Variants in SEMA4D observed in about 807,000 individuals in gnomAD.
The protein encoded by SEMA4D is semaphorin-4D.
SEMA4D carries 22 observed loss-of-function variants against 74.8 expected under a neutral mutation model. The ratio of observed to expected loss-of-function variants is 0.29; its 90% CI spans 0.21 to 0.42. SEMA4D has a LOEUF of 0.42. Among genes scored for constraint, SEMA4D ranks in the 10% least tolerant of loss-of-function variants. The pLI is 1.00. For synonymous variants in SEMA4D, 445 were observed against 463.7 expected, an observed-to-expected ratio of 0.96 and a Z score of 0.52; for missense variants, 937 against 1,118.4, an observed-to-expected ratio of 0.84 and a Z score of 2.31.
At chr9:89,395,941 G>A (rs992498766) in intron 6 of SEMA4D, among the ~76,000 whole-genome samples, 5 of 152,184 alleles carry the variant, frequency 3.3e-5, no homozygotes, top group African/African-American at 1.2e-4. Flanking sequence ...GGGATACACA[G>A]TAGAAAATGT....
At chr9:89,443,308 T>G (rs1443177909) in intron 2 of SEMA4D, among the ~76,000 whole-genome samples, 1 of 152,192 alleles carries the variant, frequency 6.6e-6, no homozygotes, top group Non-Finnish European at 1.5e-5. Context: ...AAGCCATATG[T>G]GGGCTGAACA....
intron 1 of SEMA4D, among the ~76,000 whole-genome samples, chr9:89,460,449 T>TA (rs1564870293): frequency 2.0e-5 from 3 of 152,258 alleles, no homozygotes; most frequent in Admixed American, 2.0e-4. Flanking sequence ...AAGCCTCTTC[T>TA]TACTAAGTCT....
intron 2 of SEMA4D, among the ~76,000 whole-genome samples, chr9:89,410,622 G>C (rs973242966): frequency 5.9e-5 from 9 of 152,178 alleles, no homozygotes; most frequent in Non-Finnish European, 1.0e-4. Context: ...AGTCCCACAT[G>C]AACTGGCAGG....
At chr9:89,454,857 G>A (rs1021544486) in intron 2 of SEMA4D, among the ~76,000 whole-genome samples, 3 of 152,246 alleles carry the variant, frequency 2.0e-5, no homozygotes, top group Non-Finnish European at 4.4e-5. Flanking sequence ...GTGGGGCCCT[G>A]GCACAGGACT....
rs192740047 is a variant in SEMA4D, at chr9:89,363,145, C to T, written c.2190+285G>A. ...CAGAGAATGGGGTGGTCGTGGGGGC[C>T]CATCTAACTAGACAGCCCCACCTGT... is the stretch of plus-strand genomic sequence containing the variant. On this transcript the variant is annotated intron_variant, in intron 18 of 18. Coordinates refer to the SEMA4D transcript ENST00000339861. 2.6e-4 allele frequency among the ~76,000 whole-genome samples: 39 copies of T among 152,296 alleles called. No homozygotes were observed. The East Asian group carries it at 6.0e-3, about 23-fold the overall frequency.
intron 5 of SEMA4D, among the ~76,000 whole-genome samples, chr9:89,397,341 C>G (rs887100993): frequency 2.0e-5 from 3 of 152,182 alleles, no homozygotes; most frequent in Admixed American, 2.0e-4. Context: ...GTCCACCCTA[C>G]AGAATTTCCT....
At chr9:89,405,994 G>A (rs1447198850) in intron 2 of SEMA4D, 23 of 1,046,140 alleles carry the variant, frequency 2.2e-5, no homozygotes, top group Non-Finnish European at 2.5e-5. Flanking sequence ...ACACATGGCC[G>A]GCTGGCTGCC....
chr9:89,448,028 C>T (rs999174376), intron 2 of SEMA4D, among the ~76,000 whole-genome samples: 9 of 152,138 alleles, frequency 5.9e-5, no homozygotes, highest in African/African-American at 2.2e-4. Context: ...TGCTCTGTCA[C>T]CCACGCTGGG....
chr9:89,423,275 T>A (rs1206175347), intron 2 of SEMA4D, among the ~76,000 whole-genome samples: 1 of 151,666 alleles, frequency 6.6e-6, no homozygotes, highest in Non-Finnish European at 1.5e-5. Flanking sequence ...CACTGCAATC[T>A]CCACCTTCCG....
At position 89,482,278 on chromosome 9, in the gene SEMA4D, C is replaced by G. The variant is rs192430700; in HGVS notation, c.-310+15641G>C. On this transcript the variant is annotated intron_variant, in intron 1 of 15. Coordinates refer to ENST00000422704, the MANE Select transcript of SEMA4D (RefSeq NM_001371194.2). ...CCAAGCAGGCCACACCTGGATCACT[C>G]TGACGACCACGAGGCCAGAGTCTCA... Among the ~76,000 whole-genome samples, 480 of 152,348 alleles carry G rather than the reference C, an allele frequency of 3.2e-3. 16 individuals are homozygous for G. The highest frequency in any genetic ancestry group is 0.03 in the Admixed American group (454 of 15,304).
At chr9:89,470,749 C>G (rs1416846817) in intron 1 of SEMA4D, among the ~76,000 whole-genome samples, 1 of 152,146 alleles carries the variant, frequency 6.6e-6, no homozygotes, top group African/African-American at 2.4e-5. Context: ...CCTGCAACAG[C>G]TGGAATGAGC....
chr9:89,454,863 G>A (rs970020810), intron 2 of SEMA4D, among the ~76,000 whole-genome samples: 2 of 152,254 alleles, frequency 1.3e-5, no homozygotes, highest in Admixed American at 1.3e-4. Context: ...CCCTGGCACA[G>A]GACTCTGCCC....
At position 89,391,392 on chromosome 9, in the gene SEMA4D, C is replaced by T. The variant is rs761133169; in HGVS notation, c.646G>A (p.Val216Met). The T allele has an allele frequency of 1.7e-5, 27 of 1,614,130 alleles. No individual in the cohort carries two copies. The highest frequency in any genetic ancestry group is 3.3e-5 in the South Asian group (3 of 91,096). The stretch of plus-strand genomic sequence containing the variant: ...GGGCTGTCTGGGCTTTTTCGGATCA[C>T]GTCAGCAAACACGAAACTAGGCTCT... Reference protein sequence around the residue: ...LNEPSFVFADVIRKSPDSPDG... With the variant: ...LNEPSFVFADMIRKSPDSPDG... Residue 216 changes from valine (V) to methionine (M), a missense_variant, in exon 9 of 16, where the codon GTG becomes ATG. Coordinates refer to ENST00000422704, the MANE Select transcript of SEMA4D (RefSeq NM_001371194.2).
intron 16 of SEMA4D, chr9:89,364,448 C>G (rs1833260112): frequency 4.6e-6 from 1 of 215,094 alleles, no homozygotes; most frequent in Admixed American, 5.1e-5. Context: ...GCCTGTCTCT[C>G]CAATTGAGAC....
chr9:89,489,852 T>C (rs1825486268), intron 1 of SEMA4D, among the ~76,000 whole-genome samples: 1 of 152,232 alleles, frequency 6.6e-6, no homozygotes, highest in African/African-American at 2.4e-5. Context: ...TCAATTCTTT[T>C]AGGTATATAC....
intron 16 of SEMA4D, chr9:89,364,077 A>G (rs988554766): frequency 5.3e-5 from 84 of 1,574,568 alleles, no homozygotes; most frequent in South Asian, 3.4e-4. Context: ...ACAACTTCCA[A>G]TTCAGTCCCT....
At chr9:89,421,988 T>G (rs1172480298) in intron 2 of SEMA4D, among the ~76,000 whole-genome samples, 1 of 152,248 alleles carries the variant, frequency 6.6e-6, no homozygotes, top group African/African-American at 2.4e-5. Context: ...TCATGTGGTT[T>G]TCTAACTAAA....
downstream of SEMA4D, chr9:89,377,052 CTG>C (rs1393974769): frequency 6.5e-7 from 1 of 1,531,320 alleles, no homozygotes; most frequent in Non-Finnish European, 8.8e-7. Flanking sequence ...GGAGACGAGG[CTG>C]TGAGACAGAG....
At chr9:89,397,434 C>T (rs1321654278) in intron 5 of SEMA4D, among the ~76,000 whole-genome samples, 1 of 152,180 alleles carries the variant, frequency 6.6e-6, no homozygotes, top group Non-Finnish European at 1.5e-5. Context: ...CCCAGGGTCC[C>T]AGTCCAGCCC....
Sources: gnomAD v4.1 joint callset for allele counts (sites outside exome capture counted in the v4.1 genomes callset) on GRCh38, gnomAD v4.1.1 for gene constraint, MANE v1.5 for transcripts, NCBI Gene and HGNC (gene_info 2026-07-23, HGNC 2026-07-21) for gene names.